ZFHX3: variants seen among roughly 807,000 people sequenced by gnomAD.
ZFHX3 encodes zinc finger homeobox 3.
ZFHX3 carries 42 observed loss-of-function variants against 279.1 expected under a neutral mutation model. The observed-to-expected ratio is 0.15, with a 90% CI of 0.12 to 0.19. The LOEUF is 0.19. Ranked by LOEUF, ZFHX3 falls within the 10% of genes least tolerant of loss-of-function variation. The pLI is 1.00. For synonymous variants in ZFHX3, 2,293 were observed against 1,957.8 expected, an observed-to-expected ratio of 1.17 and a Z score of -4.52; for missense variants, 4,981 against 4,754.0, an observed-to-expected ratio of 1.05 and a Z score of -1.40.
chr16:72,942,384 G>A lies in ZFHX3; in HGVS notation c.3216+8085C>T, dbSNP rs539514973. On this transcript the variant is annotated intron_variant, in intron 3 of 9. Coordinates refer to ENST00000268489, the MANE Select transcript of ZFHX3 (RefSeq NM_006885.4). The stretch of plus-strand genomic sequence containing the variant: ...CTAAGACGGCAGATGTCATTTATGC[G>A]AAGAATTCCACGGTGTGACTTATTC... 3.2e-4 allele frequency among the ~76,000 whole-genome samples: 49 copies of A among 152,306 alleles called. 1 individual carries two copies. In the South Asian group the frequency reaches 9.7e-3, roughly 30 times the overall value.
chr16:73,734,076 C>T (rs1449779113), intron 1 of ZFHX3, among the ~76,000 whole-genome samples: 2 of 152,126 alleles, frequency 1.3e-5, no homozygotes, highest in Admixed American at 6.5e-5. Flanking sequence ...CAACCTAGAT[C>T]CCTCACATGC....
At chr16:73,028,354 G>A (rs952510917) in intron 1 of ZFHX3, among the ~76,000 whole-genome samples, 3 of 152,198 alleles carry the variant, frequency 2.0e-5, no homozygotes, top group African/African-American at 7.2e-5. Flanking sequence ...AGTTGTTCGG[G>A]AGAAGTCCTG....
chr16:72,998,171 C>T (rs947850734), intron 1 of ZFHX3, among the ~76,000 whole-genome samples: 1 of 152,158 alleles, frequency 6.6e-6, no homozygotes, highest in African/African-American at 2.4e-5. Flanking sequence ...GAGGCCAAGG[C>T]AGGCAGATTA....
At chr16:72,999,544 C>A (rs962352358) in intron 1 of ZFHX3, among the ~76,000 whole-genome samples, 1 of 152,156 alleles carries the variant, frequency 6.6e-6, no homozygotes, top group African/African-American at 2.4e-5. Context: ...GTCCACAGGG[C>A]ATAAACTTTG....
At chr16:73,557,574 G>A (rs554268869) in intron 2 of ZFHX3, among the ~76,000 whole-genome samples, 1 of 152,262 alleles carries the variant, frequency 6.6e-6, no homozygotes, top group South Asian at 2.1e-4. Context: ...ACCATATAGG[G>A]TAACTTCCTG....
intron 2 of ZFHX3, among the ~76,000 whole-genome samples, chr16:73,678,715 C>T (rs1485098004): frequency 6.6e-6 from 1 of 152,116 alleles, no homozygotes; most frequent in African/African-American, 2.4e-5. Flanking sequence ...TAGCCCAGCA[C>T]CACAGTGATT....
At chr16:73,560,663 G>C (rs1200657461) in intron 2 of ZFHX3, among the ~76,000 whole-genome samples, 2 of 152,214 alleles carry the variant, frequency 1.3e-5, no homozygotes, top group Non-Finnish European at 2.9e-5. Flanking sequence ...GCAGCAGGCT[G>C]TGAACTACCT....
At chr16:73,536,325 C>G (rs1366922609) in intron 2 of ZFHX3, among the ~76,000 whole-genome samples, 1 of 151,718 alleles carries the variant, frequency 6.6e-6, no homozygotes, top group Admixed American at 6.6e-5. Flanking sequence ...AAGTTCACAC[C>G]AGGAAAAAAT....
At chr16:73,239,714 T>A (rs1157098132) in intron 5 of ZFHX3, among the ~76,000 whole-genome samples, 1 of 152,182 alleles carries the variant, frequency 6.6e-6, no homozygotes, top group African/African-American at 2.4e-5. Context: ...ATTTCCTAAG[T>A]TCCCATTTTC....
intron 2 of ZFHX3, among the ~76,000 whole-genome samples, chr16:73,530,021 C>T (rs1379844827): frequency 1.3e-5 from 2 of 152,084 alleles, no homozygotes; most frequent in African/African-American, 4.8e-5. Context: ...ACATATTAGC[C>T]TGTTTTCACG....
At chr16:73,749,846 C>G (rs769403577) in intron 1 of ZFHX3, among the ~76,000 whole-genome samples, 13 of 152,166 alleles carry the variant, frequency 8.5e-5, no homozygotes, top group Non-Finnish European at 1.9e-4. Context: ...TTGGATGGCC[C>G]TGAACTGTAC....
intron 4 of ZFHX3, among the ~76,000 whole-genome samples, chr16:73,303,965 A>AAAAGAAAAAAAAAAAAAAAAAAAAAAG (rs1330517773): frequency 9.7e-6 from 1 of 103,284 alleles, no homozygotes; most frequent in African/African-American, 4.4e-5. Flanking sequence ...CCTAGGTGGA[A>AAAAGAAAAAAAAAAAAAAAAAAAAAAG]AAAAAAAAAA....
intron 5 of ZFHX3, among the ~76,000 whole-genome samples, chr16:73,223,498 G>A (rs567704877): frequency 1.3e-5 from 2 of 152,096 alleles, no homozygotes; most frequent in African/African-American, 4.8e-5. Context: ...TCAAGAAAGT[G>A]CAAATTACAC....
chr16:73,820,422 A>C (rs939637173), intron 1 of ZFHX3, among the ~76,000 whole-genome samples: 1 of 152,084 alleles, frequency 6.6e-6, no homozygotes, highest in African/African-American at 2.4e-5. Flanking sequence ...CTTTCTTGGA[A>C]TGTCTGCTCA....
intron 1 of ZFHX3, among the ~76,000 whole-genome samples, chr16:73,717,239 G>A (rs2053424975): frequency 6.6e-6 from 1 of 152,162 alleles, no homozygotes; most frequent in South Asian, 2.1e-4. Flanking sequence ...AACAGGACAT[G>A]CATTTATTTG....
chr16:73,882,686 G>A (rs1382981369), intron 1 of ZFHX3, among the ~76,000 whole-genome samples: 2 of 151,884 alleles, frequency 1.3e-5, no homozygotes, highest in African/African-American at 2.4e-5. Context: ...AACCACGATT[G>A]AATGAAAAAA....
chr16:73,465,771 C>T (rs1567492380), intron 2 of ZFHX3, among the ~76,000 whole-genome samples: 2 of 152,146 alleles, frequency 1.3e-5, no homozygotes, highest in African/African-American at 2.4e-5. Flanking sequence ...TTCTTGGCTC[C>T]GCTTCTAACT....
chr16:73,150,385 T>C (rs1394403234), intron 5 of ZFHX3, among the ~76,000 whole-genome samples: 1 of 151,156 alleles, frequency 6.6e-6, no homozygotes. Context: ...TCCCAGCAGA[T>C]GACCTTTGCC....
At chr16:73,677,533 C>T (rs2052967144) in intron 2 of ZFHX3, among the ~76,000 whole-genome samples, 1 of 151,906 alleles carries the variant, frequency 6.6e-6, no homozygotes, top group Non-Finnish European at 1.5e-5. Context: ...GGCTCTTCCA[C>T]ACTACCTTTG....
Sources: allele counts gnomAD v4.1 joint callset (sites outside exome capture counted in the v4.1 genomes callset), GRCh38; gene constraint gnomAD v4.1.1; transcripts MANE v1.5; gene names NCBI Gene and HGNC (gene_info 2026-07-23, HGNC 2026-07-21).